VPS13C: variants seen among roughly 807,000 people sequenced by gnomAD.
The protein encoded by VPS13C is vacuolar protein sorting 13 homolog C.
A neutral mutation model predicts 456.8 loss-of-function variants in VPS13C; 358 were observed. The ratio of observed to expected loss-of-function variants is 0.78; its 90% confidence interval spans 0.72 to 0.86. The LOEUF (loss-of-function observed/expected upper bound fraction) is 0.86. Ranked by LOEUF, VPS13C falls within the 40% of genes least tolerant of loss-of-function variation. VPS13C has a pLI of 0.00. For synonymous variants in VPS13C, 1,578 were observed against 1,486.7 expected (o/e 1.06, Z -1.41); for missense variants, 4,818 against 4,385.4 (o/e 1.10, Z -2.79).
chr15:61,998,790 A>C (rs1048487412), intron 16 of VPS13C, among the ~76,000 whole-genome samples: 6 of 152,178 alleles, frequency 3.9e-5, no homozygotes, highest in Admixed American at 2.6e-4. Flanking sequence ...CACTTATACA[A>C]GGATTTTCTT....
In VPS13C at chr15:61,863,456, G is replaced by C; in HGVS notation, c.10936C>G (p.Leu3646Val). ...CAIPGSKKTI[L>V]MVTNRRVLCI... is the part of the protein sequence containing the mutation. ...AGTCAGTACCTATTTGTAACCATAAGGATTGTCTTCTTGCTTCCAGGAATA... is the reference window on the plus strand; with the variant it reads ...AGTCAGTACCTATTTGTAACCATAACGATTGTCTTCTTGCTTCCAGGAATA... Residue 3646 changes from leucine (L) to valine (V), a missense_variant, in exon 82 of 85, where the codon CTT (leucine) becomes GTT (valine). Transcript: ENST00000644861. 1 of 1,612,102 alleles carries C rather than the reference G, an allele frequency of 6.2e-7. No homozygotes were observed. Among genetic ancestry groups the C allele is most frequent in the Non-Finnish European group, 8.5e-7 (1 of 1,178,776 alleles).
chr15:61,949,675 T>C (rs1169716354), intron 41 of VPS13C, 70 bp from the exon 42 acceptor site: 7 of 1,468,852 alleles, frequency 4.8e-6, no homozygotes, highest in Non-Finnish European at 6.4e-6. Flanking sequence ...GTTCAACAGA[T>C]ATAAGTAGCA....
At chr15:62,033,109 C>T (rs1268253201) in intron 5 of VPS13C, among the ~76,000 whole-genome samples, 1 of 151,534 alleles carries the variant, frequency 6.6e-6, no homozygotes, top group African/African-American at 2.4e-5. Context: ...CACGGGTAAA[C>T]ATGCACACAA....
intron 53 of VPS13C, among the ~76,000 whole-genome samples, chr15:61,924,878 T>C (rs2043792559): frequency 6.6e-6 from 1 of 152,184 alleles, no homozygotes; most frequent in Admixed American, 6.5e-5. Context: ...CAGAAAGTAT[T>C]CTATATCTTC....
chr15:61,914,637 T>C (rs1364185009), intron 61 of VPS13C, among the ~76,000 whole-genome samples: 1 of 150,862 alleles, frequency 6.6e-6, no homozygotes, highest in East Asian at 2.0e-4. Flanking sequence ...CAGAGCTGAC[T>C]GCAACCTCTG....
intron 49 of VPS13C, among the ~76,000 whole-genome samples, chr15:61,933,302 T>C (rs1403809383): frequency 6.6e-6 from 1 of 152,170 alleles, no homozygotes; most frequent in Admixed American, 6.5e-5. Flanking sequence ...GATGTTGTAA[T>C]GAGCATTAAA....
Position 61,911,973 on chromosome 15 carries a change from T to C in VPS13C, c.8582A>G (p.Asn2861Ser), listed in dbSNP as rs752251860. Residue 2861 changes from asparagine (N) to serine (S), a missense_variant, in exon 63 of 85, where the codon AAC (asparagine) becomes AGC (serine). By Grantham distance (46) the Asn-to-Ser change is conservative. Transcript: ENST00000644861. ...AGTCAGGGTAACTATTCGTGAAAGG[T>C]TGAAACTGCTCATTTTGATGCTAAC... ...VGVSIKMSSF[N>S]LSRIVTLTPF... 1.9e-6 allele frequency: 3 copies of C among 1,607,790 alleles called. No individual in the cohort carries two copies. The highest frequency in any genetic ancestry group is 2.2e-5 in the East Asian group (1 of 44,668).
intron 23 of VPS13C, 24 bp downstream of exon 23, chr15:61,978,602 C>T: frequency 6.2e-7 from 1 of 1,604,978 alleles, no homozygotes; most frequent in Non-Finnish European, 8.5e-7. Flanking sequence ...ATCCCAAGAT[C>T]CTAAAAGCTG....
At chr15:62,043,168 A>C (rs1422818135) in intron 2 of VPS13C, among the ~76,000 whole-genome samples, 1 of 152,162 alleles carries the variant, frequency 6.6e-6, no homozygotes, top group Non-Finnish European at 1.5e-5. Context: ...AAAAAGAGAA[A>C]AATATTTAAA....
In VPS13C at chr15:61,893,332, A is replaced by G. The variant is rs546354730; in HGVS notation, c.9106-2932T>C. Among the ~76,000 whole-genome samples the G allele has an allele frequency of 4.5e-4, 68 of 152,302 alleles. 1 individual carries two copies. Among genetic ancestry groups the G allele is most frequent in the African/African-American group, 1.4e-3 (60 of 41,566 alleles). On this transcript the variant is annotated intron_variant, in intron 66 of 84. Coordinates refer to ENST00000644861, the MANE Select transcript of VPS13C (RefSeq NM_020821.3). ...CAGGAGGCAGTGGGACAACATACTC[A>G]AAGTGTTGAAGGGGAAGAAAAACCC...
At chr15:61,983,717 A>AT (rs2045952836) in intron 20 of VPS13C, 103 bp downstream of exon 20, 1 of 1,257,586 alleles carries the variant, frequency 8.0e-7, no homozygotes. Context: ...AAACTTACTT[A>AT]TTAAGTAAAT....
At position 61,972,611 on chromosome 15, in the gene VPS13C, A is replaced by C; in HGVS notation, c.2757+14T>G. 1 of 1,610,916 alleles carries C rather than the reference A, an allele frequency of 6.2e-7. No homozygotes were observed. Among genetic ancestry groups the C allele is most frequent in the Non-Finnish European group, 8.5e-7 (1 of 1,178,984 alleles). On this transcript the variant is annotated intron_variant, in intron 27 of 84. Coordinates refer to ENST00000644861, the MANE Select transcript of VPS13C (RefSeq NM_020821.3). ...AGCCAGAATATATCTATTTATAGAC[A>C]AAAAAGCACATACTTCTTTAATTTC... is the stretch of plus-strand genomic sequence containing the variant.
At chr15:62,008,786 A>G (rs1273011868) in intron 13 of VPS13C, 25 bp from the exon 14 acceptor site, 1 of 1,356,346 alleles carries the variant, frequency 7.4e-7, no homozygotes, top group Non-Finnish European at 1.0e-6. Context: ...ATAAAATTAT[A>G]TTTATTACAC....
At chr15:61,903,369 A>G (rs1269156934) in intron 66 of VPS13C, among the ~76,000 whole-genome samples, 1 of 152,048 alleles carries the variant, frequency 6.6e-6, no homozygotes, top group African/African-American at 2.4e-5. Flanking sequence ...GCTTTATGCC[A>G]ACAACAAACA....
chr15:61,962,778 C>T lies in VPS13C; in HGVS notation c.3406G>A (p.Asp1136Asn), dbSNP rs762762029. ...TTATGAACTGTCTTTGGATCAACAT[C>T]TGTGACAATAATATTTTCTAGTCGG... ...FARLENIIVT[D>N]VDPKTVHKKA... Residue 1136 changes from aspartate (D) to asparagine (N), a missense_variant, in exon 33 of 85, where the codon GAT (aspartate) becomes AAT (asparagine). Coordinates refer to ENST00000644861, the MANE Select transcript of VPS13C (RefSeq NM_020821.3). 1 of 1,607,020 alleles carries T rather than the reference C, an allele frequency of 6.2e-7. No individual in the cohort carries two copies. Among genetic ancestry groups the T allele is most frequent in the East Asian group, 2.2e-5 (1 of 44,656 alleles).
At chr15:62,031,797 T>A (rs1380128462) in intron 5 of VPS13C, among the ~76,000 whole-genome samples, 1 of 151,916 alleles carries the variant, frequency 6.6e-6, no homozygotes, top group East Asian at 1.9e-4. Context: ...ATAGCCTCTT[T>A]GTCAGACCCA....
chr15:61,969,109 T>G (rs1161061544), intron 28 of VPS13C, among the ~76,000 whole-genome samples, 190 bp downstream of exon 28: 1 of 152,152 alleles, frequency 6.6e-6, no homozygotes, highest in Non-Finnish European at 1.5e-5. Flanking sequence ...TTTACTTACA[T>G]TTAAACCATA....
intron 69 of VPS13C, among the ~76,000 whole-genome samples, chr15:61,882,113 A>G (rs574827336): frequency 7.2e-5 from 11 of 152,276 alleles, no homozygotes; most frequent in East Asian, 1.9e-4. Flanking sequence ...TGAGATTTCA[A>G]TTCTCTATGG....
At chr15:61,957,336 C>T (rs1405587898) in intron 37 of VPS13C, among the ~76,000 whole-genome samples, 1 of 152,006 alleles carries the variant, frequency 6.6e-6, no homozygotes, top group Non-Finnish European at 1.5e-5. Flanking sequence ...TGAGAAAGGG[C>T]AAGAGGGAGG....
Sources: allele counts gnomAD v4.1 joint callset (sites outside exome capture counted in the v4.1 genomes callset), GRCh38; gene constraint gnomAD v4.1.1; transcripts MANE v1.5; gene names NCBI Gene and HGNC (gene_info 2026-07-23, HGNC 2026-07-21).